Variants in ZNF790 observed in about 807,000 individuals in gnomAD.
The protein encoded by ZNF790 is zinc finger protein 790.
Under a neutral mutation model 12.1 loss-of-function variants are expected in ZNF790, and 8 were observed. That is an observed-to-expected ratio of 0.66 (90% CI 0.39 to 1.19). The LOEUF (loss-of-function observed/expected upper bound fraction) is 1.19, where lower values mean the gene tolerates loss of function less well. Among genes scored for constraint, ZNF790 ranks in the 50% most tolerant of loss-of-function variants. The pLI, the probability that ZNF790 is intolerant of heterozygous loss-of-function variation, is 0.01. For synonymous variants in ZNF790, 252 were observed against 244.3 expected (o/e 1.03, Z -0.29); for missense variants, 707 against 752.2 (o/e 0.94, Z 0.70).
intron 4 of ZNF790, among the ~76,000 whole-genome samples, chr19:36,823,025 ATT>A (rs1321108176): frequency 6.6e-6 from 1 of 150,724 alleles, no homozygotes; most frequent in African/African-American, 2.4e-5. Context: ...AATTTTTTGT[ATT>A]TTTTTGTTTT....
chr19:36,847,131 A>C (rs1229961054), intron 1 of ZNF790, among the ~76,000 whole-genome samples: 1 of 152,038 alleles, frequency 6.6e-6, no homozygotes, highest in East Asian at 1.9e-4. Flanking sequence ...CAAGGCAGGC[A>C]GATCATGAGG....
Position 36,818,646 on chromosome 19 carries a change from T to C in ZNF790, c.1698A>G (p.Lys566=), listed in dbSNP as rs149696931. 209 of 1,611,826 alleles carry C rather than the reference T, an allele frequency of 1.3e-4. No homozygotes were observed. The African/African-American group carries it at 2.5e-3, about 19-fold the overall frequency. Residue 566 remains lysine (K), a synonymous_variant, in exon 5 of 5, where the codon AAA becomes AAG. Transcript: ENST00000356725. ...HTDAEPYGCK[K]SSHIFSHHSY... The stretch of plus-strand genomic sequence containing the variant: ...AATGGTGACTAAAGATGTGGCTACT[T>C]TTCTTGCATCCATAAGGTTCTGCAT...
chr19:36,841,355 C>T (rs2072127722), upstream of ZNF790, among the ~76,000 whole-genome samples: 3 of 152,266 alleles, frequency 2.0e-5, no homozygotes, highest in Admixed American at 1.3e-4. Flanking sequence ...CACGGTGGGT[C>T]ATGCCTGTAA....
chr19:36,831,665 GAAATGA>G (rs1311508983), intron 1 of ZNF790, among the ~76,000 whole-genome samples: 8 of 152,116 alleles, frequency 5.3e-5, no homozygotes, highest in African/African-American at 1.2e-4. Context: ...ATCATTTGAA[GAAATGA>G]AAATGAAAAG....
chr19:36,817,653 A>T lies in ZNF790; in HGVS notation c.*780T>A, dbSNP rs1294805537. The stretch of plus-strand genomic sequence containing the variant: ...ACGATTAAACAGACATAGATTTAAG[A>T]TACTTTCCAAAAAAAAAAAATAGAG... On this transcript the variant is annotated 3_prime_UTR_variant, in exon 5 of 5. Coordinates refer to ENST00000356725, the MANE Select transcript of ZNF790 (RefSeq NM_206894.4). 1 of 142,766 alleles carries T rather than the reference A, an allele frequency of 7.0e-6. No homozygotes were observed. Among genetic ancestry groups the T allele is most frequent in the Admixed American group, 7.0e-5 (1 of 14,192 alleles). 8.8% of individuals were successfully genotyped at this position (142,766 alleles called of 1,614,324 possible).
chr19:36,832,542 A>C (rs1011359474), intron 1 of ZNF790, among the ~76,000 whole-genome samples: 1 of 152,090 alleles, frequency 6.6e-6, no homozygotes, highest in Non-Finnish European at 1.5e-5. Flanking sequence ...ACTGAAGTCT[A>C]TTGCCAATAG....
At position 36,823,388 on chromosome 19, in the gene ZNF790, G is replaced by A. The variant is rs1217268379; in HGVS notation, c.134-8C>T. Reference sequence around the variant, plus strand: ...GCTGATAAATGCAAAAACCTGCCCAGAAGATGAGAAACAGCAAAGAACCAC... The same window carrying A: ...GCTGATAAATGCAAAAACCTGCCCAAAAGATGAGAAACAGCAAAGAACCAC... On this transcript the variant is annotated splice_region_variant and splice_polypyrimidine_tract_variant and intron_variant, in intron 3 of 4. Transcript: ENST00000356725. 2.5e-6 allele frequency: 4 copies of A among 1,612,340 alleles called. No individual in the cohort carries two copies. Among genetic ancestry groups the A allele is most frequent in the Non-Finnish European group, 3.4e-6 (4 of 1,179,174 alleles).
At chr19:36,823,619 A>T in intron 3 of ZNF790, 48 bp downstream of exon 3, 2 of 1,585,200 alleles carry the variant, frequency 1.3e-6, no homozygotes, top group Non-Finnish European at 1.7e-6. Flanking sequence ...AATAAAAAAA[A>T]TCACAATACA....
In ZNF790 at chr19:36,818,974, T is replaced by A; in HGVS notation, c.1370A>T (p.Lys457Met). 6.2e-7 allele frequency: 1 copy of A among 1,613,612 alleles called. No homozygotes were observed. Among genetic ancestry groups the A allele is most frequent in the South Asian group, 1.1e-5 (1 of 91,050 alleles). ...RKSYECKECGKTFLHGSEFNR... is the reference protein window; with the variant it reads ...RKSYECKECGMTFLHGSEFNR... ...AAACTCTGAGCCATGAAGAAAGGTC[T>A]TTCCACATTCCTTACATTCATAGGA... Residue 457 changes from lysine (K) to methionine (M), a missense_variant, in exon 5 of 5, where the codon AAG becomes ATG. Coordinates refer to ENST00000356725, the MANE Select transcript of ZNF790 (RefSeq NM_206894.4).
chr19:36,850,065 C>T (rs945913455), exon 1 of ZNF790: 2 of 152,420 alleles, frequency 1.3e-5, no homozygotes, highest in African/African-American at 2.4e-5. Context: ...GTCCCAGACG[C>T]TCAGGTGCCA....
chr19:36,824,375 C>T (rs552432870), intron 2 of ZNF790, among the ~76,000 whole-genome samples: 2 of 152,068 alleles, frequency 1.3e-5, no homozygotes, highest in Admixed American at 6.6e-5. Context: ...GGTGCAATCT[C>T]GACTCACTGC....
intron 1 of ZNF790, among the ~76,000 whole-genome samples, chr19:36,848,158 TAACC>T (rs1191724031): frequency 6.6e-6 from 1 of 152,232 alleles, no homozygotes; most frequent in Non-Finnish European, 1.5e-5. Flanking sequence ...TACTGTTCAT[TAACC>T]AACCCCTTTC....
intron 1 of ZNF790, among the ~76,000 whole-genome samples, chr19:36,848,414 A>G (rs1449486789): frequency 1.3e-5 from 2 of 152,140 alleles, no homozygotes; most frequent in Non-Finnish European, 2.9e-5. Context: ...TTCCCGGACT[A>G]CCCCACAGGC....
chr19:36,846,562 T>TC (rs2146097537), intron 1 of ZNF790, among the ~76,000 whole-genome samples: 1 of 149,694 alleles, frequency 6.7e-6, no homozygotes, highest in South Asian at 2.1e-4. Context: ...AGACTCCGTC[T>TC]CAAAAAAAAA....
At chr19:36,845,681 C>T (rs922094853) in intron 1 of ZNF790, among the ~76,000 whole-genome samples, 2 of 152,028 alleles carry the variant, frequency 1.3e-5, no homozygotes, top group Non-Finnish European at 2.9e-5. Flanking sequence ...CAGGTAATCA[C>T]TAAAAGATTT....
chr19:36,823,722 C>T lies in ZNF790; in HGVS notation c.78G>A (p.Gln26=). ...QEEWECLDLE[Q]RDLYRDVMLE... is the part of the protein sequence containing the mutation. ...ACATCACATCTCTATATAAATCCCTCTGTTCCAGGTCCAGGCACTCCCACT... is the reference window on the plus strand; with the variant it reads ...ACATCACATCTCTATATAAATCCCTTTGTTCCAGGTCCAGGCACTCCCACT... Residue 26 remains glutamine (Q), a synonymous_variant, in exon 3 of 5, where the codon CAG becomes CAA. Coordinates refer to ENST00000356725, the MANE Select transcript of ZNF790 (RefSeq NM_206894.4). 9.9e-6 allele frequency: 16 copies of T among 1,613,744 alleles called. No homozygotes were observed. Among genetic ancestry groups the T allele is most frequent in the Non-Finnish European group, 1.4e-5 (16 of 1,179,882 alleles).
upstream of ZNF790, chr19:36,850,601 C>G (rs1422831328): frequency 6.6e-6 from 1 of 152,240 alleles, no homozygotes; most frequent in African/African-American, 2.4e-5. Context: ...ATGGAGGAGG[C>G]CTGGCCAAGC....
At chr19:36,840,823 G>C (rs2072123590), upstream of ZNF790, among the ~76,000 whole-genome samples, 1 of 151,986 alleles carries the variant, frequency 6.6e-6, no homozygotes, top group South Asian at 2.1e-4. Flanking sequence ...ACATGAAAAG[G>C]CAAGAAAAAT....
intron 1 of ZNF790, among the ~76,000 whole-genome samples, chr19:36,846,397 T>G (rs2072181285): frequency 6.6e-6 from 1 of 151,972 alleles, no homozygotes; most frequent in Non-Finnish European, 1.5e-5. Flanking sequence ...AAACCCTGTC[T>G]CTACTAAAAA....
Sources: allele counts gnomAD v4.1 joint callset (sites outside exome capture counted in the v4.1 genomes callset), GRCh38; gene constraint gnomAD v4.1.1; transcripts MANE v1.5; gene names NCBI Gene and HGNC (gene_info 2026-07-23, HGNC 2026-07-21).